BRWD1: variants seen among roughly 807,000 people sequenced by gnomAD.
The protein encoded by BRWD1 is bromodomain and WD repeat-containing protein 1.
Under a neutral mutation model 251.2 loss-of-function variants are expected in BRWD1, and 82 were observed. That is an observed-to-expected ratio of 0.33 (90% CI 0.27 to 0.39). The LOEUF (loss-of-function observed/expected upper bound fraction) is 0.39. Ranked by LOEUF, BRWD1 falls within the 10% of genes least tolerant of loss-of-function variation. The probability of loss-of-function intolerance (pLI) is 1.00; values close to 1 mark genes in which losing one functional copy is unlikely to be tolerated. For synonymous variants in BRWD1, 918 were observed against 902.8 expected (o/e 1.02, Z -0.30); for missense variants, 2,233 against 2,711.6 (o/e 0.82, Z 3.92).
At position 39,195,390 on chromosome 21, in the gene BRWD1, G is replaced by T. The variant is rs949800322; in HGVS notation, c.*869C>A. ...ACACACTTCTAAATCTAAGGCACACGAATTCCTCTATTTCACAGAGTAAGA... is the reference window on the plus strand; with the variant it reads ...ACACACTTCTAAATCTAAGGCACACTAATTCCTCTATTTCACAGAGTAAGA... On this transcript the variant is annotated 3_prime_UTR_variant, in exon 41 of 41. Transcript: ENST00000342449. 2.0e-6 allele frequency: 2 copies of T among 984,912 alleles called. No individual in the cohort carries two copies. Among genetic ancestry groups the T allele is most frequent in the Middle Eastern group, 5.2e-4 (1 of 1,908 alleles). The allele number at this position is 984,912 out of a possible 1,614,324, so 61.0% of individuals were successfully genotyped here.
At position 39,250,781 on chromosome 21, in the gene BRWD1, C is replaced by G; in HGVS notation, c.2349+15G>C. 6.7e-7 allele frequency: 1 copy of G among 1,482,034 alleles called. No homozygotes were observed. Among genetic ancestry groups the G allele is most frequent in the Non-Finnish European group, 9.2e-7 (1 of 1,092,178 alleles). 91.8% of individuals were successfully genotyped at this position (1,482,034 alleles called of 1,614,324 possible). Reference sequence around the variant, plus strand: ...TGTAATTTCTAATTTGCTAAGAAAACAGAATTTAGGTTACCTTATGTGAGA... The same window carrying G: ...TGTAATTTCTAATTTGCTAAGAAAAGAGAATTTAGGTTACCTTATGTGAGA... On this transcript the variant is annotated intron_variant, in intron 20 of 40. Transcript: ENST00000342449.
intron 21 of BRWD1, among the ~76,000 whole-genome samples, chr21:39,244,615 T>C (rs1442809506): frequency 6.6e-6 from 1 of 152,146 alleles, no homozygotes; most frequent in East Asian, 1.9e-4. Context: ...CAGTAATTAA[T>C]GTATTTCCAC....
Position 39,194,578 on chromosome 21 carries a change from C to A in BRWD1, c.*1681G>T. 6.8e-7 allele frequency: 1 copy of A among 1,469,728 alleles called. No homozygotes were observed. Among genetic ancestry groups the A allele is most frequent in the South Asian group, 1.4e-5 (1 of 71,536 alleles). The allele number at this position is 1,469,728 out of a possible 1,614,324, so 91.0% of individuals were successfully genotyped here. A position where few individuals can be genotyped will look rare whatever the true frequency, so the allele number is the denominator to read the frequency against. ...TCCCACCTATCTCAGTTGATAATGT[C>A]CAAAAACATCCTTCCCCATGCATCA... On this transcript the variant is annotated 3_prime_UTR_variant, in exon 41 of 41. Coordinates refer to ENST00000342449, the MANE Select transcript of BRWD1 (RefSeq NM_033656.4).
At chr21:39,269,862 A>C in intron 15 of BRWD1, 37 bp downstream of exon 15, 1 of 1,422,954 alleles carries the variant, frequency 7.0e-7, no homozygotes, top group South Asian at 1.8e-5. Context: ...TAAACAAATT[A>C]TCAAGCATGT....
rs1168326305 is a variant in BRWD1, at chr21:39,279,409, CG to C, written c.933-597del. 2.0e-5 allele frequency among the ~76,000 whole-genome samples: 3 copies of C among 152,018 alleles called. No individual in the cohort carries two copies. In the East Asian group the frequency reaches 5.8e-4, roughly 29 times the overall value. On this transcript the variant is annotated intron_variant, in intron 9 of 40. Coordinates refer to ENST00000342449, the MANE Select transcript of BRWD1 (RefSeq NM_033656.4). ...ATCCCAGTACTTTGGGAGGCCAAGG[CG>C]GGTGGATCACCTGAGATCAGGAGTT... is the stretch of plus-strand genomic sequence containing the variant.
intron 4 of BRWD1, among the ~76,000 whole-genome samples, chr21:39,306,094 C>T (rs1412573599): frequency 2.0e-5 from 3 of 148,468 alleles, no homozygotes; most frequent in African/African-American, 7.5e-5. Flanking sequence ...TTTTTGAGAC[C>T]GAGTCTCACT....
chr21:39,280,210 A>G lies in BRWD1; in HGVS notation c.870T>C (p.Val290=), dbSNP rs1242257958. 2 of 1,609,562 alleles carry G rather than the reference A, an allele frequency of 1.2e-6. No homozygotes were observed. The highest frequency in any genetic ancestry group is 2.2e-5 in the South Asian group (2 of 89,840). ...AAACTGTCCCATCAGCACCAGTGGAAACCATGTATCTTTGAGAGCCTTTGG... is the reference window on the plus strand; with the variant it reads ...AAACTGTCCCATCAGCACCAGTGGAGACCATGTATCTTTGAGAGCCTTTGG... The part of the protein sequence containing the change: ...PMAKGSQRYM[V]STGADGTVCF... Residue 290 remains valine, a synonymous_variant, in exon 9 of 41, where the codon GTT becomes GTC. Transcript: ENST00000342449.
At position 39,199,453 on chromosome 21, in the gene BRWD1, C is replaced by T. The variant is rs748614305; in HGVS notation, c.4963G>A (p.Val1655Ile). The change falls in exon 40 of 41, where the codon GTC (valine) becomes ATC (isoleucine). Residue 1655 changes from valine (V) to isoleucine (I), a missense_variant. Val to Ile is a conservative substitution (Grantham distance 29, BLOSUM62 3). Coordinates refer to ENST00000342449, the MANE Select transcript of BRWD1 (RefSeq NM_033656.4). ...TGAGGCAGCTTCCGACCAGAACAGA[C>T]ACTTTCAGAGCTAGAATTCTCTTCT... ...DVEENSSSES[V>I]CSGRKLPHRN... 6.2e-6 allele frequency: 10 copies of T among 1,614,216 alleles called. No homozygotes were observed. Among genetic ancestry groups the T allele is most frequent in the Middle Eastern group, 1.6e-4 (1 of 6,062 alleles).
At position 39,203,277 on chromosome 21, in the gene BRWD1, C is replaced by G. The variant is rs184734651; in HGVS notation, c.4365-732G>C. Among the ~76,000 whole-genome samples, 3 of 152,092 alleles carry G rather than the reference C, an allele frequency of 2.0e-5. No individual in the cohort carries two copies. The East Asian group carries it at 5.8e-4, about 29-fold the overall frequency. Reference sequence around the variant, plus strand: ...CACTAGCCTGGGCAACATAGCATGACCCCATGCCTACAAAAAATTTAAAAA... The same window carrying G: ...CACTAGCCTGGGCAACATAGCATGAGCCCATGCCTACAAAAAATTTAAAAA... On this transcript the variant is annotated intron_variant, in intron 37 of 40. Transcript: ENST00000342449.
At chr21:39,249,090 ATC>A (rs1002711452) in intron 20 of BRWD1, among the ~76,000 whole-genome samples, 1 of 152,206 alleles carries the variant, frequency 6.6e-6, no homozygotes, top group Non-Finnish European at 1.5e-5. Context: ...GGAGGCCACT[ATC>A]CCAAGTGAAC....
At chr21:39,277,101 T>C (rs2035302571) in intron 11 of BRWD1, 150 bp downstream of exon 11, 1 of 469,846 alleles carries the variant, frequency 2.1e-6, no homozygotes, top group South Asian at 6.1e-5. Context: ...ATTTTAAAAC[T>C]TAATACCATC....
intron 8 of BRWD1, among the ~76,000 whole-genome samples, chr21:39,286,233 T>C (rs1448720556): frequency 6.6e-6 from 1 of 152,068 alleles, no homozygotes. Context: ...TTAGCCAGGA[T>C]GGTCTCCATC....
At chr21:39,307,706 GC>G (rs1319763655) in intron 4 of BRWD1, among the ~76,000 whole-genome samples, 1 of 152,136 alleles carries the variant, frequency 6.6e-6, no homozygotes, top group Admixed American at 6.6e-5. Flanking sequence ...CTTAGGCTGA[GC>G]CTTTTTTAAT....
chr21:39,212,782 A>C (rs1280536073), intron 33 of BRWD1, 75 bp from the exon 34 acceptor site: 2 of 1,073,786 alleles, frequency 1.9e-6, no homozygotes, highest in African/African-American at 1.6e-5. Flanking sequence ...AATAAATAAC[A>C]TATCAAAGAC....
rs1454806649 is a variant in BRWD1, at chr21:39,189,551, A to G, written c.*6708T>C. 2 of 984,100 alleles carry G rather than the reference A, an allele frequency of 2.0e-6. No individual in the cohort carries two copies. Among genetic ancestry groups the G allele is most frequent in the Non-Finnish European group, 2.4e-6 (2 of 828,860 alleles). The allele number at this position is 984,100 out of a possible 1,614,324, so 61.0% of individuals were successfully genotyped here. A position where few individuals can be genotyped will look rare whatever the true frequency, so the allele number is the denominator to read the frequency against. Reference sequence around the variant, plus strand: ...AATTTGAACTTCAGTAACTATGCCCAAGGGAGGGAGAATTTGAATTACACT... The same window carrying G: ...AATTTGAACTTCAGTAACTATGCCCGAGGGAGGGAGAATTTGAATTACACT... On this transcript the variant is annotated 3_prime_UTR_variant, in exon 41 of 41. Transcript: ENST00000342449.
In BRWD1 at chr21:39,295,756, T is replaced by C. The variant is rs2035946125; in HGVS notation, c.596A>G (p.His199Arg). 3 of 1,588,662 alleles carry C rather than the reference T, an allele frequency of 1.9e-6. No homozygotes were observed. The highest frequency in any genetic ancestry group is 1.8e-5 in the Admixed American group (1 of 57,110). Reference protein sequence around the residue: ...VYCVAFDRTGHRIFTGSDDCL... With the variant: ...VYCVAFDRTGRRIFTGSDDCL... ...ATTTTTACTCACTGTAAAGATTCTA[T>C]GTCCTGTCCTATCAAATGCTACACA... Residue 199 changes from histidine (H) to arginine (R), a missense_variant, in exon 7 of 41, where the codon CAT (histidine) becomes CGT (arginine). His to Arg is a conservative substitution (Grantham distance 29, BLOSUM62 0). This residue lies in a region of BRWD1 where 185 missense variants were observed against 260.6 expected (regional missense o/e 0.71). Transcript: ENST00000342449.
intron 35 of BRWD1, among the ~76,000 whole-genome samples, chr21:39,210,484 A>G (rs1282024507): frequency 6.6e-6 from 1 of 152,142 alleles, no homozygotes; most frequent in African/African-American, 2.4e-5. Context: ...GCAAACAGAC[A>G]CGTTTATCCA....
At chr21:39,232,621 T>C (rs1465722158) in intron 23 of BRWD1, 123 bp from the exon 24 acceptor site, 4 of 1,124,850 alleles carry the variant, frequency 3.6e-6, no homozygotes, top group East Asian at 2.6e-5. Context: ...CATCTAATGA[T>C]TAGTTTTCAC....
At chr21:39,201,008 G>C (rs566533284) in intron 38 of BRWD1, among the ~76,000 whole-genome samples, 1 of 152,166 alleles carries the variant, frequency 6.6e-6, no homozygotes, top group African/African-American at 2.4e-5. Context: ...TAAATTAATT[G>C]GATCCATGTC....
Sources: allele counts gnomAD v4.1 joint callset (sites outside exome capture counted in the v4.1 genomes callset), GRCh38; gene constraint gnomAD v4.1.1; regional missense constraint gnomAD v4.1.1; transcripts MANE v1.5; gene names NCBI Gene and HGNC (gene_info 2026-07-23, HGNC 2026-07-21).